The following ZSCAN5A variants were observed in gnomAD, a reference collection of about 807,000 sequenced individuals.
The protein encoded by ZSCAN5A is zinc finger and SCAN domain containing 5A.
Under a neutral mutation model 23.7 loss-of-function variants are expected in ZSCAN5A, and 12 were observed. That is an observed-to-expected ratio of 0.51 (90% CI 0.32 to 0.82). ZSCAN5A has a LOEUF of 0.82. Ranked by LOEUF, ZSCAN5A falls within the 40% of genes least tolerant of loss-of-function variation. ZSCAN5A has a pLI of 0.03. For missense variants in ZSCAN5A, 597 were observed against 617.9 expected, an observed-to-expected ratio of 0.97 and a Z score of 0.36; for synonymous variants, 257 against 239.9, an observed-to-expected ratio of 1.07 and a Z score of -0.66.
intron 2 of ZSCAN5A, among the ~76,000 whole-genome samples, chr19:56,353,506 A>G (rs906569542): frequency 6.6e-6 from 1 of 152,078 alleles, no homozygotes; most frequent in Non-Finnish European, 1.5e-5. Context: ...GCGGTGGCTC[A>G]CGCCTGTAAT....
chr19:56,303,513 G>A (rs1404332429), intron 2 of ZSCAN5A, among the ~76,000 whole-genome samples: 2 of 150,518 alleles, frequency 1.3e-5, no homozygotes, highest in Non-Finnish European at 1.5e-5. Context: ...AGGAAGGAAA[G>A]GAGGGAGGGA....
chr19:56,348,312 C>T (rs1321853224), intron 2 of ZSCAN5A: 1 of 152,220 alleles, frequency 6.6e-6, no homozygotes, highest in African/African-American at 2.4e-5. Context: ...AGGAAAAAGG[C>T]TAATCCAATC....
chr19:56,366,383 A>AT (rs1026475486), intron 1 of ZSCAN5A, among the ~76,000 whole-genome samples: 15 of 144,586 alleles, frequency 1.0e-4, no homozygotes, highest in African/African-American at 3.7e-4. Context: ...AGATTGTGCC[A>AT]TTGCACTCCA....
chr19:56,309,689 G>A (rs1307035309), intron 2 of ZSCAN5A, among the ~76,000 whole-genome samples: 1 of 152,184 alleles, frequency 6.6e-6, no homozygotes, highest in Non-Finnish European at 1.5e-5. Flanking sequence ...AGGCTAGGGG[G>A]TGCAGCCCAG....
At chr19:56,248,541 C>A (rs1325336494) in intron 2 of ZSCAN5A, among the ~76,000 whole-genome samples, 1 of 152,090 alleles carries the variant, frequency 6.6e-6, no homozygotes, top group South Asian at 2.1e-4. Flanking sequence ...CGGGTGTGAG[C>A]CACTGCATCC....
chr19:56,239,358 T>G (rs1321204121), intron 2 of ZSCAN5A, among the ~76,000 whole-genome samples: 1 of 152,216 alleles, frequency 6.6e-6, no homozygotes, highest in African/African-American at 2.4e-5. Flanking sequence ...TCATGTAATC[T>G]AATCATGACA....
intron 2 of ZSCAN5A, among the ~76,000 whole-genome samples, chr19:56,269,855 C>T (rs1323364013): frequency 3.3e-5 from 5 of 152,340 alleles, no homozygotes; most frequent in African/African-American, 1.2e-4. Flanking sequence ...CAAGGCTTTT[C>T]ACTCTATCAA....
In ZSCAN5A at chr19:56,352,634, G is replaced by A. The variant is rs1025552285; in HGVS notation, c.-358+10601C>T. On this transcript the variant is annotated intron_variant, in intron 2 of 6. Coordinates refer to the ZSCAN5A transcript ENST00000587340. The surrounding 1 kb of genome is among the most constrained non-coding windows in gnomAD (Gnocchi z 4.2). The stretch of plus-strand genomic sequence containing the variant: ...TTGTAGACAATTATCAAAGTAAGGC[G>A]GTCAGTGGGTGGGAAATTACAAAGA... Among the ~76,000 whole-genome samples the A allele has an allele frequency of 2.6e-5, 4 of 152,170 alleles. No homozygotes were observed. The highest frequency in any genetic ancestry group is 2.1e-4 in the South Asian group (1 of 4,828).
At chr19:56,269,206 A>G (rs1044688484) in intron 2 of ZSCAN5A, among the ~76,000 whole-genome samples, 5 of 152,288 alleles carry the variant, frequency 3.3e-5, no homozygotes, top group Non-Finnish European at 5.9e-5. Flanking sequence ...CTGCCAAACT[A>G]TCTTCTACAG....
At position 56,232,248 on chromosome 19, in the gene ZSCAN5A, T is replaced by C. The variant is rs140078382; in HGVS notation, c.-127-7075A>G. On this transcript the variant is annotated intron_variant, in intron 2 of 5. Transcript: ENST00000683990. ...GCTTTTGCCTCCCAAAGTGCTGAGA[T>C]TACATGTGTCAGCCACTGTGCCCAG... is the stretch of plus-strand genomic sequence containing the variant. Among the ~76,000 whole-genome samples, 1,049 of 152,186 alleles carry C rather than the reference T, an allele frequency of 6.9e-3. 13 individuals are homozygous for C. The highest frequency in any genetic ancestry group is 9.2e-3 in the Non-Finnish European group (625 of 67,998).
At chr19:56,233,710 A>C (rs771563695) in intron 2 of ZSCAN5A, among the ~76,000 whole-genome samples, 1 of 146,332 alleles carries the variant, frequency 6.8e-6, no homozygotes, top group Non-Finnish European at 1.5e-5. Flanking sequence ...CACTAAGTAA[A>C]CAAAACAGAT....
chr19:56,358,769 T>G (rs1018551450), intron 2 of ZSCAN5A, among the ~76,000 whole-genome samples: 19 of 152,244 alleles, frequency 1.2e-4, no homozygotes, highest in Admixed American at 5.9e-4. Context: ...GATTAAGAAA[T>G]TCACTCAAAA....
In ZSCAN5A at chr19:56,346,701, CTTTTT is replaced by C. The variant is rs879461789; in HGVS notation, c.-358+16529_-358+16533del. Reference sequence around the variant, plus strand: ...AAAACCAAGGCCAACCTCTCTATTACTTTTTTTTATTTTTTATTTTTTTTTTAGAC... The same window carrying C: ...AAAACCAAGGCCAACCTCTCTATTACTTTATTTTTTATTTTTTTTTTAGAC... On this transcript the variant is annotated intron_variant, in intron 2 of 6. Transcript: ENST00000587340. Among the ~76,000 whole-genome samples the C allele has an allele frequency of 9.3e-5, 14 of 151,298 alleles. No individual in the cohort carries two copies. The East Asian group carries it at 2.7e-3, about 29-fold the overall frequency.
chr19:56,318,244 C>G (rs2041338508), upstream of ZSCAN5A, among the ~76,000 whole-genome samples: 1 of 150,982 alleles, frequency 6.6e-6, no homozygotes, highest in Non-Finnish European at 1.5e-5. Context: ...TTTTTTTTGA[C>G]CATTTTAATC....
intron 2 of ZSCAN5A, among the ~76,000 whole-genome samples, chr19:56,308,360 G>C (rs1028779383): frequency 1.1e-4 from 16 of 143,744 alleles, no homozygotes; most frequent in African/African-American, 3.9e-4. Flanking sequence ...GGCTCACTCT[G>C]TCACCCAGGC....
intron 2 of ZSCAN5A, among the ~76,000 whole-genome samples, chr19:56,362,236 A>C (rs1474240640): frequency 6.6e-6 from 1 of 152,138 alleles, no homozygotes; most frequent in Non-Finnish European, 1.5e-5. Flanking sequence ...ACCCATGTGA[A>C]TTTTTAAGGT....
intron 2 of ZSCAN5A, chr19:56,228,353 C>T (rs1470685060): frequency 2.1e-5 from 21 of 985,256 alleles, no homozygotes; most frequent in South Asian, 9.4e-5. Flanking sequence ...GGACTCCAGG[C>T]CGCGTTTCCG....
At chr19:56,241,437 T>TA (rs1401780167) in intron 2 of ZSCAN5A, among the ~76,000 whole-genome samples, 1 of 152,136 alleles carries the variant, frequency 6.6e-6, no homozygotes, top group Admixed American at 6.5e-5. Flanking sequence ...TATGCTTTTT[T>TA]CAAAAAAAAT....
At chr19:56,260,524 A>T (rs976547759) in intron 2 of ZSCAN5A, among the ~76,000 whole-genome samples, 3 of 151,548 alleles carry the variant, frequency 2.0e-5, no homozygotes, top group Non-Finnish European at 4.4e-5. Flanking sequence ...TTTTTTTTAC[A>T]TTTTTTTAAT....
Sources: gnomAD v4.1 joint callset for allele counts (sites outside exome capture counted in the v4.1 genomes callset) on GRCh38, gnomAD v4.1.1 for gene constraint, Gnocchi (gnomAD v3.1) non-coding constraint, MANE v1.5 for transcripts, NCBI Gene and HGNC (gene_info 2026-07-23, HGNC 2026-07-21) for gene names.